Variants in EEF1AKMT2 observed in about 807,000 individuals in gnomAD.
EEF1AKMT2 encodes the protein eukaryotic translation elongation factor 1 alpha lysine methyltransferase 2.
A neutral mutation model predicts 35.8 loss-of-function variants in EEF1AKMT2; 32 were observed. The ratio of observed to expected loss-of-function variants is 0.89; its 90% confidence interval spans 0.67 to 1.20. The LOEUF is 1.20. Ranked by LOEUF, EEF1AKMT2 falls within the 50% of genes most tolerant of loss-of-function variation. EEF1AKMT2 has a pLI of 0.00. For synonymous variants in EEF1AKMT2, 121 were observed against 133.7 expected, an observed-to-expected ratio of 0.91 and a Z score of 0.65; for missense variants, 330 against 347.5, an observed-to-expected ratio of 0.95 and a Z score of 0.40.
At chr10:124,776,725 G>A (rs1387364348) in intron 3 of EEF1AKMT2, among the ~76,000 whole-genome samples, 3 of 151,922 alleles carry the variant, frequency 2.0e-5, no homozygotes, top group Non-Finnish European at 4.4e-5. Flanking sequence ...AACCCGGGAG[G>A]TGGAGTTTGC....
intron 3 of EEF1AKMT2, among the ~76,000 whole-genome samples, chr10:124,782,608 T>TC (rs1950551844): frequency 8.4e-6 from 1 of 119,434 alleles, no homozygotes; most frequent in African/African-American, 3.1e-5. Flanking sequence ...AAAAAAGAGT[T>TC]CAAGACCAGC....
chr10:124,767,054 G>A lies in EEF1AKMT2; in HGVS notation c.400-1446C>T, dbSNP rs530509459. Among the ~76,000 whole-genome samples the A allele has an allele frequency of 7.3e-5, 11 of 150,864 alleles. No individual in the cohort carries two copies. In the East Asian group the frequency reaches 1.4e-3, roughly 19 times the overall value. On this transcript the variant is annotated intron_variant, in intron 4 of 6. Transcript: ENST00000368836. ...TGGGCGCCTGTAGTCCCAGCTACTC[G>A]GCAGGCTGAGGCAGGAGAATGGCGT...
chr10:124,786,689 A>G (rs1950587333), intron 3 of EEF1AKMT2, among the ~76,000 whole-genome samples: 2 of 151,724 alleles, frequency 1.3e-5, no homozygotes, highest in Non-Finnish European at 2.9e-5. Context: ...GTACGCCTGT[A>G]ATCCTAGCTA....
intron 4 of EEF1AKMT2, among the ~76,000 whole-genome samples, chr10:124,774,350 G>C (rs922462563): frequency 1.3e-4 from 15 of 114,232 alleles, no homozygotes; most frequent in Non-Finnish European, 2.5e-4. Flanking sequence ...CCTCCAGCCT[G>C]GGCAACTGAG....
At chr10:124,757,780 G>T (rs1182608264), downstream of EEF1AKMT2, 1 of 151,372 alleles carries the variant, frequency 6.6e-6, no homozygotes, top group African/African-American at 2.4e-5. Context: ...GAAGAAAAAA[G>T]GAAAATTCAG....
chr10:124,791,479 G>A (rs1950633940), intron 1 of EEF1AKMT2, among the ~76,000 whole-genome samples: 1 of 152,156 alleles, frequency 6.6e-6, no homozygotes. Context: ...AGGAGCCAAA[G>A]CCTGTCCCGC....
chr10:124,765,304 A>C lies in EEF1AKMT2; in HGVS notation c.616+88T>G. 3 of 1,104,806 alleles carry C rather than the reference A, an allele frequency of 2.7e-6. No homozygotes were observed. The South Asian group carries it at 4.2e-5, about 16-fold the overall frequency. 68.4% of individuals were successfully genotyped at this position (1,104,806 alleles called of 1,614,324 possible). ...GCAATTCCCACAAATAGAAAAGTAA[A>C]ACACTATAACACAAAACGGGGAGAA... On this transcript the variant is annotated intron_variant, in intron 5 of 6. Coordinates refer to ENST00000368836, the MANE Select transcript of EEF1AKMT2 (RefSeq NM_212554.4).
chr10:124,782,033 G>C (rs911162004), intron 3 of EEF1AKMT2, among the ~76,000 whole-genome samples: 2 of 151,974 alleles, frequency 1.3e-5, no homozygotes, highest in African/African-American at 4.8e-5. Flanking sequence ...ATCTACACAG[G>C]AACCACTAGA....
intron 4 of EEF1AKMT2, among the ~76,000 whole-genome samples, chr10:124,769,840 G>A (rs191015306): frequency 1.3e-4 from 20 of 151,212 alleles, no homozygotes; most frequent in Non-Finnish European, 2.4e-4. Context: ...CCAGCTACTC[G>A]GAGGCTGAGG....
At chr10:124,781,095 G>A (rs559245523) in intron 3 of EEF1AKMT2, among the ~76,000 whole-genome samples, 1 of 151,998 alleles carries the variant, frequency 6.6e-6, no homozygotes, top group African/African-American at 2.4e-5. Context: ...ACAAGGGCAT[G>A]CCACCACGCC....
rs376214180 is a variant in EEF1AKMT2 at position 124,774,170 on chromosome 10, G to A, written c.399+505C>T. ...ATCACGAGATCAGGAGATCGAGACC[G>A]TCCTGGCTAACACGGTGAAACCCCA... On this transcript the variant is annotated intron_variant, in intron 4 of 6. Coordinates refer to ENST00000368836, the MANE Select transcript of EEF1AKMT2 (RefSeq NM_212554.4). 2.2e-4 allele frequency among the ~76,000 whole-genome samples: 33 copies of A among 151,974 alleles called. No individual in the cohort carries two copies. The East Asian group carries it at 5.6e-3, about 26-fold the overall frequency.
chr10:124,771,580 G>A (rs1371710553), intron 4 of EEF1AKMT2, among the ~76,000 whole-genome samples: 3 of 151,904 alleles, frequency 2.0e-5, no homozygotes, highest in African/African-American at 7.3e-5. Flanking sequence ...ATAAAAACAA[G>A]ATTAATCGGC....
intron 4 of EEF1AKMT2, among the ~76,000 whole-genome samples, chr10:124,765,980 T>A (rs1371069086): frequency 6.6e-6 from 1 of 152,182 alleles, no homozygotes; most frequent in East Asian, 1.9e-4. Context: ...GACAATTTAT[T>A]TGGAACTAAG....
Position 124,788,710 on chromosome 10 carries a change from T to TTTTATATATATATATATATATA in EEF1AKMT2, c.291+332_291+333insTATATATATATATATATATAAA, listed in dbSNP as rs1414544581. 7.8e-4 allele frequency among the ~76,000 whole-genome samples: 72 copies of TTTTATATATATATATATATATA among 92,574 alleles called. 2 individuals carry two copies. Among genetic ancestry groups the TTTTATATATATATATATATATA allele is most frequent in the African/African-American group, 2.3e-3 (69 of 29,724 alleles). The allele number at this position is 92,574 out of a possible 152,430, so 60.7% of individuals were successfully genotyped here. On this transcript the variant is annotated intron_variant, in intron 3 of 6. Coordinates refer to ENST00000368836, the MANE Select transcript of EEF1AKMT2 (RefSeq NM_212554.4). The stretch of plus-strand genomic sequence containing the variant: ...CTACTGGAATTGCAAAAGGTCATCT[T>TTTTATATATATATATATATATA]TATATATATATATATATATGCATTT...
chr10:124,774,066 A>C (rs976595816), intron 4 of EEF1AKMT2, among the ~76,000 whole-genome samples: 4 of 152,194 alleles, frequency 2.6e-5, no homozygotes, highest in Non-Finnish European at 5.9e-5. Flanking sequence ...CACTTGATGC[A>C]TTTAAAACCT....
In EEF1AKMT2 at chr10:124,789,955, G is replaced by A. The variant is rs531737814; in HGVS notation, c.176+318C>T. On this transcript the variant is annotated intron_variant, in intron 2 of 6. Transcript: ENST00000368836. ...CGCCCAGGATGGAGTGCAGTGGCGCGATCTCAGCTCACTGCAATCTCCGCC... is the reference window on the plus strand; with the variant it reads ...CGCCCAGGATGGAGTGCAGTGGCGCAATCTCAGCTCACTGCAATCTCCGCC... 7.1e-4 allele frequency among the ~76,000 whole-genome samples: 107 copies of A among 151,094 alleles called. 3 individuals carry two copies. In the South Asian group the frequency reaches 0.021, roughly 30 times the overall value.
chr10:124,782,646 T>C (rs1950552397), intron 3 of EEF1AKMT2, among the ~76,000 whole-genome samples: 1 of 142,614 alleles, frequency 7.0e-6, no homozygotes, highest in Non-Finnish European at 1.5e-5. Flanking sequence ...ACCCCGTCTG[T>C]ACTAAAAATA....
At chr10:124,770,101 G>T (rs1217155656) in intron 4 of EEF1AKMT2, among the ~76,000 whole-genome samples, 2 of 151,932 alleles carry the variant, frequency 1.3e-5, no homozygotes, top group Non-Finnish European at 2.9e-5. Context: ...TGGTCAACAT[G>T]ATGAAATCTC....
chr10:124,765,419 C>T lies in EEF1AKMT2; in HGVS notation c.589G>A (p.Glu197Lys), dbSNP rs973165085. ...FLITSCNWTK[E>K]ELLNEFSEGW... ...TCACTGAATTCATTTAGCAACTCTTCCTTGGTCCAATTACATGACGTTATT... is the reference window on the plus strand; with the variant it reads ...TCACTGAATTCATTTAGCAACTCTTTCTTGGTCCAATTACATGACGTTATT... The change falls in exon 5 of 7, where the codon GAA (glutamate) becomes AAA (lysine). Residue 197 changes from glutamate to lysine, a missense_variant. Glu to Lys is a moderately conservative substitution (Grantham distance 56). Transcript: ENST00000368836. 1 of 1,613,850 alleles carries T rather than the reference C, an allele frequency of 6.2e-7. No individual in the cohort carries two copies. Among genetic ancestry groups the T allele is most frequent in the African/African-American group, 1.3e-5 (1 of 74,934 alleles).
Sources: gnomAD v4.1 joint callset for allele counts (sites outside exome capture counted in the v4.1 genomes callset) on GRCh38, gnomAD v4.1.1 for gene constraint, MANE v1.5 for transcripts, NCBI Gene and HGNC (gene_info 2026-07-23, HGNC 2026-07-21) for gene names.